QRICH2: variants seen among roughly 807,000 people sequenced by gnomAD.
QRICH2 encodes glutamine rich 2, also known as glutamine-rich protein 2.
In QRICH2, 119 loss-of-function variants were observed where a neutral mutation model predicts 168.3. The ratio of observed to expected loss-of-function variants is 0.71; its 90% CI spans 0.61 to 0.82. The LOEUF (loss-of-function observed/expected upper bound fraction) is 0.82. QRICH2 is among the 40% of genes least tolerant of loss of function. The pLI is 0.00. For synonymous variants in QRICH2, 894 were observed against 951.2 expected (o/e 0.94, Z 1.11); for missense variants, 2,241 against 2,491.6 (o/e 0.90, Z 2.14).
In QRICH2 at chr17:76,291,744, G is replaced by A; in HGVS notation, c.2983C>T (p.Gln995Ter). 6.2e-7 allele frequency: 1 copy of A among 1,614,180 alleles called. No individual in the cohort carries two copies. The highest frequency in any genetic ancestry group is 8.5e-7 in the Non-Finnish European group (1 of 1,180,030). ...GATATAAAACCTGTAGAATCTGCCT[G>A]GAATGTTGAAGAGCCACGAAGCTTT... ...GTKLRGSSTF[Q>*]ADSTGFISVR... The change falls in exon 4 of 19, where the codon CAG becomes TAG. Residue 995 changes from glutamine to a stop codon, truncating the protein, a stop_gained. Transcript: ENST00000680821. LOFTEE classifies it high-confidence loss of function.
At chr17:76,309,317 C>T (rs1283568874), upstream of QRICH2, among the ~76,000 whole-genome samples, 24 of 149,580 alleles carry the variant, frequency 1.6e-4, no homozygotes, top group Non-Finnish European at 2.7e-4. Flanking sequence ...GATCGCACCA[C>T]TGCACCCCAG....
chr17:76,288,901 G>A (rs1401998569), intron 5 of QRICH2, among the ~76,000 whole-genome samples: 2 of 151,690 alleles, frequency 1.3e-5, no homozygotes, highest in South Asian at 2.1e-4. Context: ...TCAGGAAATC[G>A]AGACCATCCT....
rs940881855 is a variant in QRICH2, at chr17:76,274,284, T to G, written c.5483-24A>C. 5 of 1,567,742 alleles carry G rather than the reference T, an allele frequency of 3.2e-6. No homozygotes were observed. The African/African-American group carries it at 5.6e-5, about 18-fold the overall frequency. On this transcript the variant is annotated intron_variant, in intron 18 of 18. Transcript: ENST00000680821. ...AACTGTAAGACAGGGGTGCTGAGGT[T>G]GCTCAACACATTCCCCAAGCCCACC... is the stretch of plus-strand genomic sequence containing the variant.
Position 76,293,247 on chromosome 17 carries a change from C to T in QRICH2, c.1480G>A (p.Gly494Arg). 6.2e-7 allele frequency: 1 copy of T among 1,614,042 alleles called. No homozygotes were observed. The highest frequency in any genetic ancestry group is 8.5e-7 in the Non-Finnish European group (1 of 1,180,036). Residue 494 changes from glycine to arginine, a missense_variant, in exon 4 of 19, where the codon GGA becomes AGA. Around this residue, in one of 3 missense-constraint regions of QRICH2, gnomAD observed 2,047 missense variants for 2,303.8 expected, o/e 0.89. Coordinates refer to ENST00000680821, the MANE Select transcript of QRICH2 (RefSeq NM_001388453.1). ...TGACCCATGCCTGATATTACACATC[C>T]ACGCTGATCCATGCCAAGTGGTTCC... ...SMEPLGMDQR[G>R]CVISGMGQQG...
chr17:76,283,245 T>C (rs2070821487), intron 7 of QRICH2, among the ~76,000 whole-genome samples: 1 of 152,186 alleles, frequency 6.6e-6, no homozygotes, highest in African/African-American at 2.4e-5. Context: ...AAAATGGGCA[T>C]TTCAGTGGAG....
chr17:76,279,332 G>T, intron 13 of QRICH2, 31 bp downstream of exon 13: 1 of 1,592,566 alleles, frequency 6.3e-7, no homozygotes, highest in Non-Finnish European at 8.6e-7. Flanking sequence ...CCTGCCATGC[G>T]AGGCCACGTG....
At position 76,291,633 on chromosome 17, in the gene QRICH2, C is replaced by T. The variant is rs772613916; in HGVS notation, c.3094G>A (p.Ala1032Thr). 3 of 1,614,136 alleles carry T rather than the reference C, an allele frequency of 1.9e-6. No homozygotes were observed. Among genetic ancestry groups the T allele is most frequent in the Non-Finnish European group, 2.5e-6 (3 of 1,180,026 alleles). The change falls in exon 4 of 19, where the codon GCA becomes ACA. Residue 1032 changes from alanine to threonine, a missense_variant. Ala to Thr is a moderately conservative substitution (Grantham distance 58). Coordinates refer to ENST00000680821, the MANE Select transcript of QRICH2 (RefSeq NM_001388453.1). ...CTCCTTCGATCTATACCAGGTGATG[C>T]CAAACCTTGACTGGCTAGGAGTGGT... ...VSPLLASQGL[A>T]SPGIDRRSLV...
In QRICH2 at chr17:76,275,804, C is replaced by A; in HGVS notation, c.5482+15G>T. 1 of 1,603,098 alleles carries A rather than the reference C, an allele frequency of 6.2e-7. No homozygotes were observed. Among genetic ancestry groups the A allele is most frequent in the South Asian group, 1.1e-5 (1 of 90,974 alleles). ...GGGGAGGCCTGGCAGGACGCCCCAC[C>A]CAGAGGGAAGCTACCTGAGGTGTTG... On this transcript the variant is annotated intron_variant, in intron 18 of 18. Coordinates refer to ENST00000680821, the MANE Select transcript of QRICH2 (RefSeq NM_001388453.1).
chr17:76,300,435 T>C lies in QRICH2; in HGVS notation c.705+3980A>G, dbSNP rs540378103. Among the ~76,000 whole-genome samples, 9 of 152,272 alleles carry C rather than the reference T, an allele frequency of 5.9e-5. 1 individual carries two copies. The South Asian group carries it at 1.5e-3, about 25-fold the overall frequency. Reference sequence around the variant, plus strand: ...GATGAAAGCAGTGGGGGAGTGCCACTAGCCCCAGGTAAGCACATACAACAC... The same window carrying C: ...GATGAAAGCAGTGGGGGAGTGCCACCAGCCCCAGGTAAGCACATACAACAC... On this transcript the variant is annotated intron_variant, in intron 3 of 18. Coordinates refer to ENST00000680821, the MANE Select transcript of QRICH2 (RefSeq NM_001388453.1).
rs774843669 is a variant in QRICH2, at chr17:76,280,175, C to A, written c.4627-21G>T. The A allele has an allele frequency of 6.2e-6, 10 of 1,611,296 alleles. No homozygotes were observed. The East Asian group carries it at 2.2e-4, about 36-fold the overall frequency. On this transcript the variant is annotated intron_variant, in intron 11 of 18. Coordinates refer to ENST00000680821, the MANE Select transcript of QRICH2 (RefSeq NM_001388453.1). This position sits in a 1 kb window ranked among gnomAD's most constrained non-coding sequence, Gnocchi z 7.4. ...TCCAGCTGTGGCGGGGAAAGAGGGG[C>A]CAGGGGACCTCTAAGGAAGCAGGTA...
intron 5 of QRICH2, 130 bp from the exon 6 acceptor site, chr17:76,288,027 G>A (rs2070922089): frequency 2.9e-6 from 2 of 687,140 alleles, no homozygotes; most frequent in Admixed American, 4.5e-5. Flanking sequence ...CAAAAGCCAG[G>A]AGCCCTTGTG....
intron 7 of QRICH2, among the ~76,000 whole-genome samples, chr17:76,284,168 CAAAAAAAA>C (rs61553346): frequency 0.098 from 6,155 of 62,638 alleles, 341 homozygotes; most frequent in Non-Finnish European, 0.12. Flanking sequence ...ACTCTGTCTC[CAAAAAAAA>C]AAAAAAAAAA....
At chr17:76,306,841 T>G (rs939673607) in intron 1 of QRICH2, among the ~76,000 whole-genome samples, 14 of 151,688 alleles carry the variant, frequency 9.2e-5, no homozygotes, top group Admixed American at 5.9e-4. Context: ...GAGCCGAGAC[T>G]GCACCACTGC....
intron 18 of QRICH2, 95 bp downstream of exon 18, chr17:76,275,724 T>A: frequency 2.1e-6 from 3 of 1,459,380 alleles, no homozygotes; most frequent in Non-Finnish European, 2.7e-6. Flanking sequence ...GGCCCTCCCC[T>A]CTCCGGGGAG....
At chr17:76,300,282 G>A (rs948792558) in intron 3 of QRICH2, among the ~76,000 whole-genome samples, 2 of 152,058 alleles carry the variant, frequency 1.3e-5, no homozygotes, top group South Asian at 2.1e-4. Context: ...AAGCATGTGC[G>A]TTTGATTACT....
At chr17:76,279,208 TGCCTAAAGAACCTTCCCACCC>T in intron 13 of QRICH2, 66 bp from the exon 14 acceptor site, 1 of 1,422,648 alleles carries the variant, frequency 7.0e-7, no homozygotes, top group Admixed American at 1.9e-5. Flanking sequence ...CAAATCCACC[TGCCTAAAGAACCTTCCCACCC>T]GCCCCCGGCC....
chr17:76,298,440 A>T (rs553701154), intron 3 of QRICH2, among the ~76,000 whole-genome samples: 2 of 151,812 alleles, frequency 1.3e-5, no homozygotes, highest in African/African-American at 4.8e-5. Context: ...CAGCCTCCCA[A>T]AGTGCTGGGA....
chr17:76,305,042 C>T, intron 1 of QRICH2, 101 bp from the exon 2 acceptor site: 1 of 822,878 alleles, frequency 1.2e-6, no homozygotes, highest in Non-Finnish European at 2.2e-6. Context: ...CACACTCAGA[C>T]ACACACATGC....
At chr17:76,308,935 C>G (rs1413608128), upstream of QRICH2, among the ~76,000 whole-genome samples, 1 of 150,618 alleles carries the variant, frequency 6.6e-6, no homozygotes, top group Non-Finnish European at 1.5e-5. Flanking sequence ...TTAGCAGAGA[C>G]GGGGTTTCAC....
Sources: gnomAD v4.1 joint callset for allele counts (sites outside exome capture counted in the v4.1 genomes callset) on GRCh38, gnomAD v4.1.1 for gene constraint, gnomAD v4.1.1 regional missense constraint, Gnocchi (gnomAD v3.1) non-coding constraint, MANE v1.5 for transcripts, NCBI Gene and HGNC (gene_info 2026-07-23, HGNC 2026-07-21) for gene names.